KSR2: variants seen among roughly 807,000 people sequenced by gnomAD.
KSR2 encodes the protein kinase suppressor of ras 2.
In KSR2, 25 loss-of-function variants were observed where a neutral mutation model predicts 107.8. The ratio of observed to expected loss-of-function variants is 0.23; its 90% confidence interval spans 0.17 to 0.32. KSR2 has a LOEUF of 0.32. KSR2 is among the 10% of genes least tolerant of loss of function. KSR2 has a pLI of 1.00. For missense variants in KSR2, 887 were observed against 1,268.9 expected (o/e 0.70, Z 4.57); for synonymous variants, 480 against 507.0 (o/e 0.95, Z 0.71).
At chr12:117,931,384 GAGAATGACTCAAAA>G (rs1208055981) in intron 1 of KSR2, among the ~76,000 whole-genome samples, 1 of 152,156 alleles carries the variant, frequency 6.6e-6, no homozygotes, top group African/African-American at 2.4e-5. Flanking sequence ...CAGGGCTTCA[GAGAATGACTCAAAA>G]AGAAGGACAT....
intron 6 of KSR2, among the ~76,000 whole-genome samples, chr12:117,581,508 T>A (rs183441668): frequency 2.8e-4 from 43 of 152,312 alleles, no homozygotes; most frequent in African/African-American, 1.0e-3. Context: ...CTGAGGCTAA[T>A]TAGCTTTTCA....
rs140437177 is a variant in KSR2, at chr12:117,851,029, G to A, written c.472+4399C>T. On this transcript the variant is annotated intron_variant, in intron 3 of 19. Coordinates refer to ENST00000339824, the MANE Select transcript of KSR2 (RefSeq NM_173598.6). The stretch of plus-strand genomic sequence containing the variant: ...ACCATCACCTGCAGGAACAGCATAC[G>A]TGAAGTACAGTGTTAAGGATCAGAA... Among the ~76,000 whole-genome samples, 127 of 152,304 alleles carry A rather than the reference G, an allele frequency of 8.3e-4. 1 individual carries two copies. In the East Asian group the frequency reaches 0.021, roughly 26 times the overall value.
intron 9 of KSR2, among the ~76,000 whole-genome samples, chr12:117,545,530 T>C (rs1565893750): frequency 2.0e-5 from 3 of 152,216 alleles, no homozygotes; most frequent in Admixed American, 6.5e-5. Context: ...TGGAAGTTTG[T>C]GATTTTCAAG....
rs1257890078 is a variant in KSR2, at chr12:117,656,991, T to TATAATAGG, written c.1171+10482_1171+10483insCCTATTAT. Among the ~76,000 whole-genome samples, 546 of 107,088 alleles carry TATAATAGG rather than the reference T, an allele frequency of 5.1e-3. 4 individuals are homozygous for TATAATAGG. Among genetic ancestry groups the TATAATAGG allele is most frequent in the African/African-American group, 0.025 (525 of 21,424 alleles). The allele number at this position is 107,088 out of a possible 152,430, so 70.3% of individuals were successfully genotyped here. Reference sequence around the variant, plus strand: ...ATATATATATAATAGGATATATATATATATATATATATATATATATATATC... The same window carrying TATAATAGG: ...ATATATATATAATAGGATATATATATATAATAGGATATATATATATATATATATATATC... On this transcript the variant is annotated intron_variant, in intron 5 of 19. Transcript: ENST00000339824.
At chr12:117,820,090 A>C (rs901633905) in intron 3 of KSR2, among the ~76,000 whole-genome samples, 5 of 152,182 alleles carry the variant, frequency 3.3e-5, no homozygotes, top group African/African-American at 1.2e-4. Flanking sequence ...ATTTTTCAAA[A>C]TTTTCACAAA....
At chr12:117,710,957 G>A (rs1279679519) in intron 4 of KSR2, among the ~76,000 whole-genome samples, 1 of 151,924 alleles carries the variant, frequency 6.6e-6, no homozygotes, top group African/African-American at 2.4e-5. Flanking sequence ...TCTCCACTTG[G>A]CTCATGTCTA....
chr12:117,475,370 C>A (rs956640270), intron 17 of KSR2, among the ~76,000 whole-genome samples: 4 of 152,318 alleles, frequency 2.6e-5, no homozygotes, highest in Admixed American at 2.6e-4. Flanking sequence ...CATCCATCAG[C>A]TCCCTTTCCT....
chr12:117,957,321 C>T (rs1001350924), intron 1 of KSR2, among the ~76,000 whole-genome samples: 2 of 152,198 alleles, frequency 1.3e-5, no homozygotes, highest in Admixed American at 6.5e-5. Context: ...GTTGTGGTCA[C>T]GACCCATTGG....
At chr12:117,550,389 T>C (rs2137318363) in intron 9 of KSR2, among the ~76,000 whole-genome samples, 1 of 152,342 alleles carries the variant, frequency 6.6e-6, no homozygotes, top group East Asian at 1.9e-4. Flanking sequence ...TGCTCTCCCA[T>C]GGACACTTTC....
At chr12:117,797,613 T>G (rs1206677557) in intron 3 of KSR2, among the ~76,000 whole-genome samples, 1 of 136,452 alleles carries the variant, frequency 7.3e-6, no homozygotes, top group African/African-American at 2.5e-5. Flanking sequence ...ATTGTTCACT[T>G]TAAAACGATT....
chr12:117,851,355 G>A (rs543457542), intron 3 of KSR2, among the ~76,000 whole-genome samples: 27 of 152,308 alleles, frequency 1.8e-4, no homozygotes, highest in South Asian at 1.0e-3. Context: ...TTAGGAGGCC[G>A]AGGCAGGAGG....
chr12:117,518,215 G>T (rs1441376808), intron 14 of KSR2, among the ~76,000 whole-genome samples: 1 of 152,118 alleles, frequency 6.6e-6, no homozygotes, highest in African/African-American at 2.4e-5. Context: ...CCCAGCGAGG[G>T]GATTGGTGAC....
chr12:117,832,228 G>A (rs959806501), intron 3 of KSR2, among the ~76,000 whole-genome samples: 3 of 152,298 alleles, frequency 2.0e-5, no homozygotes, highest in East Asian at 1.9e-4. Flanking sequence ...AGTTTGCAGT[G>A]AGCCAAGATC....
intron 6 of KSR2, 78 bp downstream of exon 6, chr12:117,582,212 C>G (rs1328871016): frequency 4.0e-6 from 5 of 1,247,084 alleles, no homozygotes; most frequent in Non-Finnish European, 3.5e-6. Flanking sequence ...CCTTCTCTCA[C>G]CCCAGGGCAG....
intron 10 of KSR2, among the ~76,000 whole-genome samples, chr12:117,535,123 G>C (rs573632213): frequency 1.3e-5 from 2 of 152,192 alleles, no homozygotes; most frequent in South Asian, 4.1e-4. Context: ...CTAGTGCCTA[G>C]TACAGTAGCT....
chr12:117,700,689 C>A (rs962574067), intron 4 of KSR2, among the ~76,000 whole-genome samples: 13 of 152,214 alleles, frequency 8.5e-5, no homozygotes, highest in African/African-American at 1.2e-4. Context: ...ACGCTATTAA[C>A]CGCAGTAAAG....
intron 3 of KSR2, among the ~76,000 whole-genome samples, chr12:117,799,505 A>AG (rs1436533082): frequency 6.6e-6 from 1 of 152,088 alleles, no homozygotes; most frequent in African/African-American, 2.4e-5. Flanking sequence ...CCACCAAAAA[A>AG]AAAAAGAAAA....
In KSR2 at chr12:117,460,029, A is replaced by G. The variant is rs1870813139; in HGVS notation, c.*7170T>C. The stretch of plus-strand genomic sequence containing the variant: ...ACACAATAGTGTCTTAAAAGTTCTG[A>G]TAAGTCCTGCAATCAAGAAATTAGT... On this transcript the variant is annotated 3_prime_UTR_variant, in exon 20 of 20. Coordinates refer to ENST00000339824, the MANE Select transcript of KSR2 (RefSeq NM_173598.6). The G allele has an allele frequency of 6.6e-6, 1 of 152,256 alleles. No individual in the cohort carries two copies. Among genetic ancestry groups the G allele is most frequent in the Non-Finnish European group, 1.5e-5 (1 of 68,048 alleles). The allele number at this position is 152,256 out of a possible 1,614,324, so 9.4% of individuals were successfully genotyped here.
chr12:117,700,048 C>CTT (rs370253048), intron 4 of KSR2, among the ~76,000 whole-genome samples: 1 of 143,690 alleles, frequency 7.0e-6, no homozygotes, highest in East Asian at 2.0e-4. Context: ...AATTTTGGTA[C>CTT]TTTTTTTTTT....
Sources: gnomAD v4.1 joint callset for allele counts (sites outside exome capture counted in the v4.1 genomes callset) on GRCh38, gnomAD v4.1.1 for gene constraint, MANE v1.5 for transcripts, NCBI Gene and HGNC (gene_info 2026-07-23, HGNC 2026-07-21) for gene names.